LRRK1: variants seen among roughly 807,000 people sequenced by gnomAD.
LRRK1 encodes the protein leucine-rich repeat serine/threonine-protein kinase 1.
A neutral mutation model predicts 209.1 loss-of-function variants in LRRK1; 113 were observed. The ratio of observed to expected loss-of-function variants is 0.54; its 90% CI spans 0.46 to 0.63. The LOEUF is 0.63. Among genes scored for constraint, LRRK1 ranks in the 30% least tolerant of loss-of-function variants. The pLI is 0.00. For missense variants in LRRK1, 2,284 were observed against 2,632.2 expected (o/e 0.87, Z 2.89); for synonymous variants, 1,144 against 1,099.7 (o/e 1.04, Z -0.80).
chr15:101,021,449 G>T (rs2033781212), intron 13 of LRRK1, among the ~76,000 whole-genome samples: 1 of 152,202 alleles, frequency 6.6e-6, no homozygotes, highest in Non-Finnish European at 1.5e-5. Flanking sequence ...TCATTACTGA[G>T]CTCCCATTGC....
chr15:100,940,921 G>A (rs922304388), intron 2 of LRRK1, among the ~76,000 whole-genome samples: 1 of 152,212 alleles, frequency 6.6e-6, no homozygotes, highest in African/African-American at 2.4e-5. Context: ...AGATGTGCAG[G>A]CCCTCTGACC....
intron 2 of LRRK1, among the ~76,000 whole-genome samples, chr15:100,929,918 A>G (rs1438269189): frequency 6.6e-6 from 1 of 152,240 alleles, no homozygotes; most frequent in Non-Finnish European, 1.5e-5. Flanking sequence ...GCGTCCATCC[A>G]TGCAGGTGGC....
chr15:100,937,500 T>A (rs1326423759), intron 2 of LRRK1, among the ~76,000 whole-genome samples: 1 of 112,280 alleles, frequency 8.9e-6, no homozygotes, highest in Non-Finnish European at 2.2e-5. Context: ...TTAGATTTCT[T>A]TTTTTAAAAT....
chr15:101,012,939 C>T (rs1284283320), intron 10 of LRRK1, among the ~76,000 whole-genome samples: 1 of 152,152 alleles, frequency 6.6e-6, no homozygotes, highest in Non-Finnish European at 1.5e-5. Context: ...TCGCAGGGTA[C>T]TCCTGGCCTT....
chr15:100,977,238 A>C (rs1205547689), intron 3 of LRRK1, among the ~76,000 whole-genome samples: 1 of 151,788 alleles, frequency 6.6e-6, no homozygotes, highest in Non-Finnish European at 1.5e-5. Flanking sequence ...CCAAAGCACC[A>C]GGAAAGGAAC....
chr15:101,032,635 C>G (rs1252361482), intron 20 of LRRK1, among the ~76,000 whole-genome samples: 1 of 152,094 alleles, frequency 6.6e-6, no homozygotes. Context: ...TGTAGTTTAG[C>G]TTTTACTTCC....
intron 3 of LRRK1, among the ~76,000 whole-genome samples, chr15:100,976,127 CAG>C (rs372338936): frequency 0.01 from 1,566 of 152,176 alleles, 33 homozygotes; most frequent in African/African-American, 0.036. Context: ...TAAAAAGAAA[CAG>C]AAAGCATGAA....
rs920779268 is a variant in LRRK1, at chr15:101,046,188, C to G, written c.3135+36C>G. ...TGCGGTTTCTGCATAGACAGATGCCCGAGAGCCACCTACAGTTGTACCACT... is the reference window on the plus strand; with the variant it reads ...TGCGGTTTCTGCATAGACAGATGCCGGAGAGCCACCTACAGTTGTACCACT... On this transcript the variant is annotated intron_variant, in intron 21 of 33. Transcript: ENST00000388948. 5 of 1,599,140 alleles carry G rather than the reference C, an allele frequency of 3.1e-6. No homozygotes were observed. The East Asian group carries it at 6.8e-5, about 22-fold the overall frequency.
At chr15:100,998,375 G>A (rs913804808) in intron 6 of LRRK1, among the ~76,000 whole-genome samples, 1 of 152,116 alleles carries the variant, frequency 6.6e-6, no homozygotes, top group Non-Finnish European at 1.5e-5. Context: ...CCTCAGGAAA[G>A]CCTTCCTTAA....
chr15:100,946,486 A>G (rs1427272245), intron 2 of LRRK1, among the ~76,000 whole-genome samples: 2 of 152,190 alleles, frequency 1.3e-5, no homozygotes, highest in Non-Finnish European at 2.9e-5. Flanking sequence ...TTAGAATTAT[A>G]ATTAGTCCAG....
In LRRK1 at chr15:100,974,614, T is replaced by G. The variant is rs550117963; in HGVS notation, c.261+647T>G. ...TAGAGGGACCGTGTCTACCTGGCTA[T>G]TCATCTTGGCTGATATTAGGATTGC... On this transcript the variant is annotated intron_variant, in intron 3 of 33. Coordinates refer to ENST00000388948, the MANE Select transcript of LRRK1 (RefSeq NM_024652.6). Among the ~76,000 whole-genome samples the G allele has an allele frequency of 7.2e-5, 11 of 152,354 alleles. No homozygotes were observed. The East Asian group carries it at 2.1e-3, about 29-fold the overall frequency.
chr15:100,963,538 GCT>G (rs2030230805), intron 2 of LRRK1, among the ~76,000 whole-genome samples: 1 of 152,206 alleles, frequency 6.6e-6, no homozygotes, highest in Non-Finnish European at 1.5e-5. Flanking sequence ...GCACCACCCT[GCT>G]CTACACCACT....
At position 101,008,965 on chromosome 15, in the gene LRRK1, C is replaced by A. The variant is rs776820318; in HGVS notation, c.891C>A (p.Ile297=). 6.8e-6 allele frequency: 11 copies of A among 1,614,080 alleles called. No individual in the cohort carries two copies. Among genetic ancestry groups the A allele is most frequent in the South Asian group, 1.1e-5 (1 of 91,086 alleles). Residue 297 remains isoleucine, a synonymous_variant, in exon 7 of 34, where the codon ATC becomes ATA. Coordinates refer to ENST00000388948, the MANE Select transcript of LRRK1 (RefSeq NM_024652.6). ...GCCTGGCGACCCTCCCCTCGGTTAT[C>A]CCCTGGGGCCTCATCAATCTCCGGA... ...ANCLATLPSV[I]PWGLINLRKL...
At position 101,021,101 on chromosome 15, in the gene LRRK1, T is replaced by C; in HGVS notation, c.1658T>C (p.Leu553Pro). The stretch of plus-strand genomic sequence containing the variant: ...TTCCTAAGTGAGTCTTTGGAAGTCC[T>C]TTGCCTGAACGACAACCACCTCGAC... ...PAFLSESLEVLCLNDNHLDTV... is the reference protein window; with the variant it reads ...PAFLSESLEVPCLNDNHLDTV... The change falls in exon 13 of 34, where the codon CTT becomes CCT. Residue 553 changes from leucine (L) to proline (P), a missense_variant. By Grantham distance (98) the Leu-to-Pro change is moderately conservative. Transcript: ENST00000388948. 6.2e-7 allele frequency: 1 copy of C among 1,614,200 alleles called. No homozygotes were observed. Among genetic ancestry groups the C allele is most frequent in the Non-Finnish European group, 8.5e-7 (1 of 1,180,020 alleles).
intron 2 of LRRK1, among the ~76,000 whole-genome samples, chr15:100,944,163 A>G (rs1002419370): frequency 6.6e-6 from 1 of 152,244 alleles, no homozygotes; most frequent in East Asian, 1.9e-4. Context: ...TTGCTTTAAT[A>G]TCAGGATATT....
intron 31 of LRRK1, among the ~76,000 whole-genome samples, chr15:101,063,404 C>T (rs2036310798): frequency 6.6e-6 from 1 of 152,238 alleles, no homozygotes; most frequent in Admixed American, 6.5e-5. Context: ...CCACGCACCT[C>T]TTCCCAGACG....
intron 20 of LRRK1, among the ~76,000 whole-genome samples, chr15:101,030,463 G>C (rs2034231606): frequency 6.6e-6 from 1 of 152,166 alleles, no homozygotes; most frequent in African/African-American, 2.4e-5. Flanking sequence ...GCTCAGGCCT[G>C]AGCTTCCAAA....
intron 20 of LRRK1, among the ~76,000 whole-genome samples, chr15:101,034,884 A>G (rs1284631339): frequency 6.7e-6 from 1 of 150,318 alleles, no homozygotes; most frequent in Non-Finnish European, 1.5e-5. Flanking sequence ...GTTAACATAT[A>G]GTTCTTCATA....
intron 22 of LRRK1, chr15:101,049,422 C>A: frequency 2.0e-6 from 1 of 491,180 alleles, no homozygotes; most frequent in African/African-American, 2.0e-5. Context: ...GCGTCCCTGA[C>A]TGCAATCTTC....
Sources: allele counts gnomAD v4.1 joint callset (sites outside exome capture counted in the v4.1 genomes callset), GRCh38; gene constraint gnomAD v4.1.1; transcripts MANE v1.5; gene names NCBI Gene and HGNC (gene_info 2026-07-23, HGNC 2026-07-21).